ZC3H7B: variants seen among roughly 807,000 people sequenced by gnomAD.
The protein encoded by ZC3H7B is zinc finger CCCH-type containing 7B, also known as zinc finger CCCH domain-containing protein 7B.
In ZC3H7B, 35 loss-of-function variants were observed where a neutral mutation model predicts 116.0. That is an observed-to-expected ratio of 0.30 (90% CI 0.23 to 0.40). The LOEUF (loss-of-function observed/expected upper bound fraction) is 0.40. ZC3H7B is among the 10% of genes least tolerant of loss of function. ZC3H7B has a pLI of 1.00. For missense variants in ZC3H7B, 1,011 were observed against 1,321.5 expected, an observed-to-expected ratio of 0.77 and a Z score of 3.64; for synonymous variants, 502 against 545.6, an observed-to-expected ratio of 0.92 and a Z score of 1.11.
At position 41,356,844 on chromosome 22, in the gene ZC3H7B, G is replaced by C. The variant is rs758786112; in HGVS notation, c.2681+36G>C. 5.6e-6 allele frequency: 9 copies of C among 1,610,834 alleles called. No individual in the cohort carries two copies. In the South Asian group the frequency reaches 7.7e-5, roughly 14 times the overall value. On this transcript the variant is annotated intron_variant, in intron 22 of 22. Coordinates refer to ENST00000352645, the MANE Select transcript of ZC3H7B (RefSeq NM_017590.6). ...GAGGGCAGGGCCTGGCGGGACATGG[G>C]GTGGCCCGAGGAGATGGAGTCCGTG...
In ZC3H7B at chr22:41,327,440, C is replaced by T; in HGVS notation, c.444+76C>T. ...TGACCTTCCGGCCCTCACTTGGGCCCAGCCACCACATCCTTCTGTGTCTCA... is the reference window on the plus strand; with the variant it reads ...TGACCTTCCGGCCCTCACTTGGGCCTAGCCACCACATCCTTCTGTGTCTCA... On this transcript the variant is annotated intron_variant, in intron 5 of 22. Transcript: ENST00000352645. The surrounding 1 kb of genome is among the most constrained non-coding windows in gnomAD (Gnocchi z 4.5). The T allele has an allele frequency of 8.4e-6, 13 of 1,544,076 alleles. No homozygotes were observed. The South Asian group carries it at 1.3e-4, about 15-fold the overall frequency.
At chr22:41,322,313 G>A (rs1338109760) in intron 2 of ZC3H7B, among the ~76,000 whole-genome samples, 1 of 151,030 alleles carries the variant, frequency 6.6e-6, no homozygotes, top group East Asian at 2.0e-4. Context: ...TCAGCCTCCT[G>A]AGTAGCTGGG....
At chr22:41,340,455 A>G (rs2036507162) in intron 10 of ZC3H7B, among the ~76,000 whole-genome samples, 1 of 152,122 alleles carries the variant, frequency 6.6e-6, no homozygotes, top group East Asian at 1.9e-4. Context: ...CCATGGGATG[A>G]TCCTGAGGCT....
intron 10 of ZC3H7B, among the ~76,000 whole-genome samples, chr22:41,340,579 G>A (rs755953757): frequency 2.0e-5 from 3 of 152,142 alleles, no homozygotes; most frequent in Non-Finnish European, 4.4e-5. Flanking sequence ...TTCGGCAGTC[G>A]GACACAGCCC....
chr22:41,322,729 G>T (rs2036273062), intron 2 of ZC3H7B, among the ~76,000 whole-genome samples: 1 of 152,100 alleles, frequency 6.6e-6, no homozygotes, highest in African/African-American at 2.4e-5. Context: ...CATAAAACTG[G>T]AATTCGCCTC....
Position 41,339,822 on chromosome 22 carries a change from G to T in ZC3H7B, c.823G>T (p.Val275Phe), listed in dbSNP as rs1162930406. Residue 275 changes from valine (V) to phenylalanine (F), a missense_variant, in exon 10 of 23, where the codon GTC (valine) becomes TTC (phenylalanine). Coordinates refer to ENST00000352645, the MANE Select transcript of ZC3H7B (RefSeq NM_017590.6). Reference sequence around the variant, plus strand: ...CTCTGTCCCTGCCTCATAGTCTCTGGTCCAGGGTGGCCTGTCTGGCAGCGG... The same window carrying T: ...CTCTGTCCCTGCCTCATAGTCTCTGTTCCAGGGTGGCCTGTCTGGCAGCGG... ...LDTLLDSLSL[V>F]QGGLSGSGVP... 1 of 1,597,020 alleles carries T rather than the reference G, an allele frequency of 6.3e-7. No individual in the cohort carries two copies. Among genetic ancestry groups the T allele is most frequent in the East Asian group, 2.2e-5 (1 of 44,600 alleles).
rs1205487608 is a variant in ZC3H7B, at chr22:41,338,438, C to T, written c.625+83C>T. The T allele has an allele frequency of 3.4e-6, 5 of 1,478,630 alleles. No homozygotes were observed. The highest frequency in any genetic ancestry group is 1.2e-5 in the South Asian group (1 of 83,960). 91.6% of individuals were successfully genotyped at this position (1,478,630 alleles called of 1,614,324 possible). A position where few individuals can be genotyped will look rare whatever the true frequency, so the allele number is the denominator to read the frequency against. On this transcript the variant is annotated intron_variant, in intron 8 of 22. Transcript: ENST00000352645. The surrounding 1 kb of genome is among the most constrained non-coding windows in gnomAD (Gnocchi z 4.5). ...GTCGAGCCCCCTCCCCATCCCAGCC[C>T]TGTAGATGGGAGGGCCTCCGAGGGG...
chr22:41,319,946 G>A lies in ZC3H7B; in HGVS notation c.-6-709G>A, dbSNP rs200270582. On this transcript the variant is annotated intron_variant, in intron 1 of 22. Transcript: ENST00000352645. ...CTCCAGAGGCTGAGGCAGGAGAATCGCTTGAACCCAGGAGGTGGAGGTTGC... is the reference window on the plus strand; with the variant it reads ...CTCCAGAGGCTGAGGCAGGAGAATCACTTGAACCCAGGAGGTGGAGGTTGC... 3.4e-4 allele frequency among the ~76,000 whole-genome samples: 52 copies of A among 150,780 alleles called. 2 individuals are homozygous for A. In the South Asian group the frequency reaches 0.01, roughly 30 times the overall value.
At position 41,325,444 on chromosome 22, in the gene ZC3H7B, G is replaced by A. The variant is rs1440441389; in HGVS notation, c.54-120G>A. ...AATGATTTAGGAGAAGAAAACCGCAGTCTGTTCACCCTAGTCCACAAGGTG... is the reference window on the plus strand; with the variant it reads ...AATGATTTAGGAGAAGAAAACCGCAATCTGTTCACCCTAGTCCACAAGGTG... On this transcript the variant is annotated intron_variant, in intron 2 of 22. Transcript: ENST00000352645. 1.3e-5 allele frequency: 18 copies of A among 1,353,824 alleles called. 1 individual carries two copies. Among genetic ancestry groups the A allele is most frequent in the African/African-American group, 2.9e-5 (2 of 68,678 alleles). 83.9% of individuals were successfully genotyped at this position (1,353,824 alleles called of 1,614,324 possible). A position where few individuals can be genotyped will look rare whatever the true frequency, so the allele number is the denominator to read the frequency against.
Position 41,357,407 on chromosome 22 carries a change from C to T in ZC3H7B, c.2912C>T (p.Ala971Val), listed in dbSNP as rs1435360869. The T allele has an allele frequency of 6.2e-7, 1 of 1,612,934 alleles. No individual in the cohort carries two copies. Among genetic ancestry groups the T allele is most frequent in the Non-Finnish European group, 8.5e-7 (1 of 1,179,856 alleles). Residue 971 changes from alanine to valine, a missense_variant, in exon 23 of 23, where the codon GCC becomes GTC. Ala to Val is a moderately conservative substitution (Grantham distance 64). Coordinates refer to ENST00000352645, the MANE Select transcript of ZC3H7B (RefSeq NM_017590.6). This position sits in a 1 kb window ranked among gnomAD's most constrained non-coding sequence, Gnocchi z 5.4. Reference protein sequence around the residue: ...GATPEAPAAAATATTGE With the variant: ...GATPEAPAAAVTATTGE ...ACCCCAGAAGCCCCTGCTGCTGCTGCCACCGCCACCACTGGGGAGTAGGGC... is the reference window on the plus strand; with the variant it reads ...ACCCCAGAAGCCCCTGCTGCTGCTGTCACCGCCACCACTGGGGAGTAGGGC...
intron 1 of ZC3H7B, among the ~76,000 whole-genome samples, chr22:41,311,961 A>G (rs932696196): frequency 6.6e-6 from 1 of 152,128 alleles, no homozygotes; most frequent in African/African-American, 2.4e-5. Flanking sequence ...ATTCATTTTA[A>G]TTAAATTAGT....
In ZC3H7B at chr22:41,325,577, C is replaced by A. The variant is rs1374073975; in HGVS notation, c.67C>A (p.Leu23Ile). The change falls in exon 3 of 23, where the codon CTA becomes ATA. Residue 23 changes from leucine to isoleucine, a missense_variant. Physicochemically the swap from Leu to Ile is conservative, Grantham distance 5 (BLOSUM62 2). This residue lies in a region of ZC3H7B where 322 missense variants were observed against 443.9 expected (regional missense o/e 0.73). Coordinates refer to ENST00000352645, the MANE Select transcript of ZC3H7B (RefSeq NM_017590.6). The stretch of plus-strand genomic sequence containing the variant: ...TTTTCCTGATAGGTCGACACTACCC[C>A]TAAAGCAAGAAGAATATGAGGTGAG... ...GLQFIQSTLP[L>I]KQEEYEAFLL... 3 of 1,611,524 alleles carry A rather than the reference C, an allele frequency of 1.9e-6. No homozygotes were observed. Among genetic ancestry groups the A allele is most frequent in the South Asian group, 1.1e-5 (1 of 90,542 alleles).
At position 41,351,068 on chromosome 22, in the gene ZC3H7B, G is replaced by T. The variant is rs573651416; in HGVS notation, c.1949-493G>T. On this transcript the variant is annotated intron_variant, in intron 16 of 22. Transcript: ENST00000352645. The surrounding 1 kb of genome is among the most constrained non-coding windows in gnomAD (Gnocchi z 5.1). ...ACTGGAGAGTCCATGCCACCAGGCT[G>T]GGGTATTTGCCCTTTGGGGACTGGC... is the stretch of plus-strand genomic sequence containing the variant. 2.0e-5 allele frequency among the ~76,000 whole-genome samples: 3 copies of T among 152,320 alleles called. No homozygotes were observed. The highest frequency in any genetic ancestry group is 7.2e-5 in the African/African-American group (3 of 41,580).
rs914059330 is a variant in ZC3H7B at position 41,346,634 on chromosome 22, G to A, written c.1665+426G>A. On this transcript the variant is annotated intron_variant, in intron 14 of 22. Coordinates refer to ENST00000352645, the MANE Select transcript of ZC3H7B (RefSeq NM_017590.6). The surrounding 1 kb of genome is among the most constrained non-coding windows in gnomAD (Gnocchi z 5.3). ...AGTTTGAGACCAGCCTGGCCAACACGGTGAAACCCTGTCTCTACTAAAAAT... is the reference window on the plus strand; with the variant it reads ...AGTTTGAGACCAGCCTGGCCAACACAGTGAAACCCTGTCTCTACTAAAAAT... 6.6e-6 allele frequency among the ~76,000 whole-genome samples: 1 copy of A among 151,990 alleles called. No homozygotes were observed.
chr22:41,306,150 C>T (rs1452642214), intron 1 of ZC3H7B, among the ~76,000 whole-genome samples: 7 of 152,052 alleles, frequency 4.6e-5, no homozygotes, highest in East Asian at 1.9e-4. Flanking sequence ...CAGGCTCTGC[C>T]GTCATGATCC....
At chr22:41,354,764 A>C (rs752848688) in intron 17 of ZC3H7B, among the ~76,000 whole-genome samples, 1 of 152,128 alleles carries the variant, frequency 6.6e-6, no homozygotes, top group Non-Finnish European at 1.5e-5. Context: ...GGTACAGAAG[A>C]GCAGGCCAAA....
At chr22:41,312,467 C>T (rs988664514) in intron 1 of ZC3H7B, among the ~76,000 whole-genome samples, 13 of 150,522 alleles carry the variant, frequency 8.6e-5, no homozygotes, top group East Asian at 3.9e-4. Flanking sequence ...AATAATAATA[C>T]GTCCTACACC....
intron 13 of ZC3H7B, among the ~76,000 whole-genome samples, chr22:41,344,487 C>T (rs1021400524): frequency 3.3e-5 from 5 of 152,224 alleles, no homozygotes; most frequent in African/African-American, 4.8e-5. Context: ...TCCCTGATTC[C>T]GTCACACACG....
At chr22:41,323,524 C>T (rs890229974) in intron 2 of ZC3H7B, among the ~76,000 whole-genome samples, 1 of 152,218 alleles carries the variant, frequency 6.6e-6, no homozygotes, top group African/African-American at 2.4e-5. Flanking sequence ...TCACTCTCGT[C>T]CCCTCCTTCT....
Sources: gnomAD v4.1 joint callset for allele counts (sites outside exome capture counted in the v4.1 genomes callset) on GRCh38, gnomAD v4.1.1 for gene constraint, gnomAD v4.1.1 regional missense constraint, Gnocchi (gnomAD v3.1) non-coding constraint, MANE v1.5 for transcripts, NCBI Gene and HGNC (gene_info 2026-07-23, HGNC 2026-07-21) for gene names.